FAM153A: variants seen among roughly 807,000 people sequenced by gnomAD.
FAM153A encodes protein FAM153A.
Under a neutral mutation model 48.1 loss-of-function variants are expected in FAM153A, and 12 were observed. That is an observed-to-expected ratio of 0.25 (90% CI 0.16 to 0.40). The LOEUF (loss-of-function observed/expected upper bound fraction) is 0.40. Ranked by LOEUF, FAM153A falls within the 10% of genes least tolerant of loss-of-function variation. The pLI, the probability that FAM153A is intolerant of heterozygous loss-of-function variation, is 1.00. For missense variants in FAM153A, 111 were observed against 345.8 expected (o/e 0.32, Z 5.38); for synonymous variants, 36 against 118.2 (o/e 0.30, Z 4.51).
chr5:177,707,457 GA>G (rs373764110), downstream of FAM153A, among the ~76,000 whole-genome samples: 1 of 150,162 alleles, frequency 6.7e-6, no homozygotes, highest in Non-Finnish European at 1.5e-5. Context: ...GGAAACGAGA[GA>G]AAAAATGCAT....
intron 1 of FAM153A, among the ~76,000 whole-genome samples, chr5:177,768,435 ACT>A (rs1373745727): frequency 2.7e-5 from 4 of 147,980 alleles, no homozygotes; most frequent in African/African-American, 1.0e-4. Context: ...AGATCTCAAC[ACT>A]CTAATCAATC....
downstream of FAM153A, among the ~76,000 whole-genome samples, chr5:177,708,537 A>G (rs1465392532): frequency 6.6e-6 from 1 of 151,796 alleles, no homozygotes; most frequent in Non-Finnish European, 1.5e-5. Context: ...AGATCGTGCC[A>G]TTGCACTCCA....
chr5:177,745,787 T>C lies in FAM153A; in HGVS notation c.260-820A>G, dbSNP rs1174204715. Among the ~76,000 whole-genome samples the C allele has an allele frequency of 2.6e-5, 4 of 151,716 alleles. No individual in the cohort carries two copies. In the South Asian group the frequency reaches 6.3e-4, roughly 24 times the overall value. On this transcript the variant is annotated intron_variant, in intron 4 of 20. Coordinates refer to ENST00000614127, the Ensembl canonical transcript of FAM153A. ...TACAATAGAGTATGTCACTGATTAT[T>C]GTCTGCTTTTGAACAGGAGCTGAGG...
chr5:177,756,584 A>G (rs1346102448), upstream of FAM153A, among the ~76,000 whole-genome samples: 1 of 151,062 alleles, frequency 6.6e-6, no homozygotes, highest in Non-Finnish European at 1.5e-5. Flanking sequence ...ACATAGTTGG[A>G]AGTAAAGCAC....
intron 1 of FAM153A, chr5:177,753,104 G>C: frequency 8.9e-7 from 1 of 1,121,042 alleles, no homozygotes; most frequent in Non-Finnish European, 1.3e-6. Flanking sequence ...AAATCAGAAT[G>C]ACATTTAACA....
chr5:177,702,221 G>C, the FAM153A span, among the ~76,000 whole-genome samples: 1 of 151,730 alleles, frequency 6.6e-6, no homozygotes, highest in Admixed American at 6.6e-5. Flanking sequence ...GGTCACTTTT[G>C]TTATACCTTA....
chr5:177,699,888 G>GA, the FAM153A span, among the ~76,000 whole-genome samples: 3,325 of 133,094 alleles, frequency 0.025, 162 homozygotes, highest in African/African-American at 0.082. Context: ...ACCAAAGCCA[G>GA]AAAAAAAAAA....
chr5:177,704,797 C>G (rs1223656425), downstream of FAM153A, among the ~76,000 whole-genome samples: 1 of 151,494 alleles, frequency 6.6e-6, no homozygotes, highest in Non-Finnish European at 1.5e-5. Flanking sequence ...CTCCGGAGTT[C>G]GAGACCAGCC....
downstream of FAM153A, among the ~76,000 whole-genome samples, chr5:177,719,006 G>A (rs1268885966): frequency 6.6e-6 from 1 of 151,250 alleles, no homozygotes; most frequent in Non-Finnish European, 1.5e-5. Context: ...TCAGCCTCCC[G>A]AGTAACTGGG....
At position 177,732,654 on chromosome 5, in the gene FAM153A, GCATGCATCTC is replaced by G. The variant is rs1171488039; in HGVS notation, c.761-564_761-555del. ...GCCTCCTGAGTAGCTAGGATTACAG[GCATGCATCTC>G]CATGCTTGGCTAATTCTGTATTTTT... On this transcript the variant is annotated intron_variant, in intron 14 of 20. Transcript: ENST00000614127. 2.1e-4 allele frequency among the ~76,000 whole-genome samples: 20 copies of G among 94,904 alleles called. 1 individual carries two copies. Among genetic ancestry groups the G allele is most frequent in the African/African-American group, 8.2e-4 (20 of 24,506 alleles). 62.3% of individuals were successfully genotyped at this position (94,904 alleles called of 152,430 possible).
chr5:177,750,642 C>CT (rs1437594725), intron 2 of FAM153A, among the ~76,000 whole-genome samples: 1 of 132,916 alleles, frequency 7.5e-6, no homozygotes, highest in Non-Finnish European at 1.6e-5. Flanking sequence ...GAAAAAGATC[C>CT]TTTTTAATTA....
At chr5:177,705,299 G>A (rs1344879182), downstream of FAM153A, among the ~76,000 whole-genome samples, 15 of 151,098 alleles carry the variant, frequency 9.9e-5, no homozygotes, top group African/African-American at 2.0e-4. Flanking sequence ...GTGAGACTCC[G>A]TCTCAAACAA....
chr5:177,709,263 T>A (rs1324272924), downstream of FAM153A, among the ~76,000 whole-genome samples: 1 of 145,658 alleles, frequency 6.9e-6, no homozygotes, highest in African/African-American at 2.7e-5. Flanking sequence ...GAATCTTTTT[T>A]TTTTTTTTTT....
At chr5:177,715,979 ATTAAATACTTTT>A (rs898141215) in intron 25 of FAM153A, among the ~76,000 whole-genome samples, 1 of 150,174 alleles carries the variant, frequency 6.7e-6, no homozygotes, top group African/African-American at 2.5e-5. Context: ...CCCAGCTTAG[ATTAAATACTTTT>A]TTTTTTTTTT....
chr5:177,696,740 C>T, the FAM153A span, among the ~76,000 whole-genome samples: 1 of 151,312 alleles, frequency 6.6e-6, no homozygotes, highest in Non-Finnish European at 1.5e-5. Flanking sequence ...GATCATAGCT[C>T]ACTACAGCCT....
intron 12 of FAM153A, among the ~76,000 whole-genome samples, chr5:177,735,344 G>A (rs1764543020): frequency 8.0e-6 from 1 of 125,756 alleles, no homozygotes; most frequent in Non-Finnish European, 1.6e-5. Flanking sequence ...CTAGCCAAAA[G>A]ATTTTATTAC....
intron 4 of FAM153A, among the ~76,000 whole-genome samples, chr5:177,746,057 G>C (rs1329841872): frequency 2.0e-5 from 3 of 151,274 alleles, no homozygotes; most frequent in South Asian, 2.1e-4. Context: ...ATTCAGTGTA[G>C]TAGCCCATGG....
upstream of FAM153A, among the ~76,000 whole-genome samples, chr5:177,754,660 G>T (rs1293313959): frequency 6.6e-6 from 1 of 151,846 alleles, no homozygotes; most frequent in Non-Finnish European, 1.5e-5. Flanking sequence ...CAATCAGGCA[G>T]CATCATTTGC....
At chr5:177,701,879 G>A in the FAM153A span, among the ~76,000 whole-genome samples, 72 of 150,350 alleles carry the variant, frequency 4.8e-4, no homozygotes, top group African/African-American at 1.7e-3. Context: ...AAATGCAAAT[G>A]AGGAACTTGA....
Sources: allele counts gnomAD v4.1 joint callset (sites outside exome capture counted in the v4.1 genomes callset), GRCh38; gene constraint gnomAD v4.1.1; transcripts MANE v1.5; gene names NCBI Gene and HGNC (gene_info 2026-07-23, HGNC 2026-07-21).